Variants in UMODL1 observed in about 807,000 individuals in gnomAD.
UMODL1 encodes uromodulin like 1, also known as uromodulin-like 1.
UMODL1 carries 128 observed loss-of-function variants against 136.3 expected under a neutral mutation model. The observed-to-expected ratio is 0.94, with a 90% CI of 0.81 to 1.09. The LOEUF is 1.09. Among genes scored for constraint, UMODL1 ranks in the 50% least tolerant of loss-of-function variants. The pLI, the probability that UMODL1 is intolerant of heterozygous loss-of-function variation, is 0.00. For missense variants in UMODL1, 1,766 were observed against 1,725.6 expected, an observed-to-expected ratio of 1.02 and a Z score of -0.41; for synonymous variants, 721 against 720.0, an observed-to-expected ratio of 1.00 and a Z score of -0.02.
At chr21:42,100,052 G>A (rs1208367441) in intron 7 of UMODL1, among the ~76,000 whole-genome samples, 1 of 152,168 alleles carries the variant, frequency 6.6e-6, no homozygotes, top group Non-Finnish European at 1.5e-5. Flanking sequence ...CCCGTGTCTT[G>A]CTCCCCACTT....
chr21:42,096,955 G>A (rs2066565634), intron 6 of UMODL1, among the ~76,000 whole-genome samples: 1 of 152,208 alleles, frequency 6.6e-6, no homozygotes, highest in Non-Finnish European at 1.5e-5. Context: ...GAAGCCGGGT[G>A]GTTGTTAGAA....
Position 42,078,812 on chromosome 21 carries a change from C to T in UMODL1, c.319+2565C>T, listed in dbSNP as rs139557475. 8.6e-5 allele frequency among the ~76,000 whole-genome samples: 13 copies of T among 151,934 alleles called. 1 individual carries two copies. The highest frequency in any genetic ancestry group is 2.9e-4 in the African/African-American group (12 of 41,158). ...CATTGGTTCCCTAGAGGGCCACTGG[C>T]AGGACAAGCCTATGCCTTGGCCATG... On this transcript the variant is annotated intron_variant, in intron 2 of 22. Coordinates refer to ENST00000408910, the MANE Select transcript of UMODL1 (RefSeq NM_001004416.3).
At chr21:42,128,220 ACT>A (rs1381873679) in intron 20 of UMODL1, 11 of 302,878 alleles carry the variant, frequency 3.6e-5, no homozygotes, top group East Asian at 1.9e-4. Flanking sequence ...AATATCAGAC[ACT>A]CTGTTATTTA....
chr21:42,075,834 C>T lies in UMODL1; in HGVS notation c.77-171C>T, dbSNP rs117448410. 3.8e-3 allele frequency among the ~76,000 whole-genome samples: 573 copies of T among 152,384 alleles called. 3 individuals carry two copies. Among genetic ancestry groups the T allele is most frequent in the Non-Finnish European group, 5.6e-3 (383 of 68,042 alleles). ...CACTCATGCAACAGCCTTCCTGGTGCACTAGCAGGCAAAGGCCAGTGGAGA... is the reference window on the plus strand; with the variant it reads ...CACTCATGCAACAGCCTTCCTGGTGTACTAGCAGGCAAAGGCCAGTGGAGA... On this transcript the variant is annotated intron_variant, in intron 1 of 22. Transcript: ENST00000408910.
intron 21 of UMODL1, among the ~76,000 whole-genome samples, chr21:42,130,229 T>C (rs1418902800): frequency 1.3e-5 from 2 of 150,680 alleles, no homozygotes; most frequent in African/African-American, 5.0e-5. Flanking sequence ...AACGTGTGTG[T>C]GTGTGTGTGT....
chr21:42,091,571 G>A (rs753959937), intron 6 of UMODL1, among the ~76,000 whole-genome samples: 54 of 152,280 alleles, frequency 3.5e-4, no homozygotes, highest in Admixed American at 1.2e-3. Context: ...AAGGGATTCC[G>A]GCAACATTTT....
At chr21:42,139,999 T>C (rs1303488759) in intron 22 of UMODL1, among the ~76,000 whole-genome samples, 1 of 152,210 alleles carries the variant, frequency 6.6e-6, no homozygotes, top group Non-Finnish European at 1.5e-5. Flanking sequence ...ACGTGTGCTG[T>C]AGTCTGGGCT....
intron 9 of UMODL1, among the ~76,000 whole-genome samples, chr21:42,106,165 G>T (rs1266916341): frequency 6.6e-6 from 1 of 152,170 alleles, no homozygotes; most frequent in Non-Finnish European, 1.5e-5. Context: ...ATGACTACTG[G>T]TGTCTTCGGA....
At chr21:42,079,100 C>T (rs1569141826) in intron 2 of UMODL1, among the ~76,000 whole-genome samples, 3 of 152,220 alleles carry the variant, frequency 2.0e-5, no homozygotes. Context: ...CTCTTCCTAC[C>T]TGTTGGCATT....
chr21:42,120,783 G>A, intron 15 of UMODL1: 1 of 257,948 alleles, frequency 3.9e-6, no homozygotes, highest in Non-Finnish European at 7.3e-6. Flanking sequence ...GTGGATCTGG[G>A]GGCCTGTGCA....
At chr21:42,089,890 G>A (rs1196705842) in intron 5 of UMODL1, among the ~76,000 whole-genome samples, 1 of 152,192 alleles carries the variant, frequency 6.6e-6, no homozygotes, top group African/African-American at 2.4e-5. Flanking sequence ...TGGGAGGCCT[G>A]GGCCAGCCTC....
At chr21:42,108,164 G>C (rs941065439) in intron 9 of UMODL1, 2 of 401,048 alleles carry the variant, frequency 5.0e-6, no homozygotes, top group Non-Finnish European at 1.0e-5. Flanking sequence ...GAATCACCAC[G>C]CCCCAAAATA....
Position 42,127,836 on chromosome 21 carries a change from G to GT in UMODL1, c.3690+6dup. ...CCCGGAGCCACGTGCAAAATCGTAA[G>GT]TGTTTTTTGGTTTTCTAAACGTTTG... On this transcript the variant is annotated splice_donor_region_variant and intron_variant, in intron 20 of 22. Transcript: ENST00000408910. 6.2e-7 allele frequency: 1 copy of GT among 1,610,350 alleles called. No individual in the cohort carries two copies. Among genetic ancestry groups the GT allele is most frequent in the Non-Finnish European group, 8.5e-7 (1 of 1,178,550 alleles).
At position 42,127,050 on chromosome 21, in the gene UMODL1, T is replaced by G; in HGVS notation, c.3338T>G (p.Val1113Gly). 1 of 1,614,216 alleles carries G rather than the reference T, an allele frequency of 6.2e-7. No individual in the cohort carries two copies. Among genetic ancestry groups the G allele is most frequent in the South Asian group, 1.1e-5 (1 of 91,080 alleles). The change falls in exon 19 of 23, where the codon GTT (valine) becomes GGT (glycine). Residue 1113 changes from valine (V) to glycine (G), a missense_variant. Transcript: ENST00000408910. ...GACCTCCACGGCGCTGGGAATTTTG[T>G]TACCGAAATGCAGTTGTTTATCGGA... is the stretch of plus-strand genomic sequence containing the variant. The part of the protein sequence containing the change: ...IEDLHGAGNF[V>G]TEMQLFIGDS...
At position 42,102,229 on chromosome 21, in the gene UMODL1, A is replaced by G. The variant is rs771317347; in HGVS notation, c.1250A>G (p.Asn417Ser). The part of the protein sequence containing the change: ...VNHNLTEKLL[N>S]RSSVEYQDFS... ...CACAACCTGACGGAGAAGTTACTCA[A>G]CCGCAGCAGTGTGGAGTACCAGGAC... Residue 417 changes from asparagine to serine, a missense_variant, in exon 8 of 23, where the codon AAC (asparagine) becomes AGC (serine). Asn to Ser is a conservative substitution (Grantham distance 46). Coordinates refer to ENST00000408910, the MANE Select transcript of UMODL1 (RefSeq NM_001004416.3). The G allele has an allele frequency of 3.7e-6, 6 of 1,613,956 alleles. No individual in the cohort carries two copies. The highest frequency in any genetic ancestry group is 2.2e-5 in the South Asian group (2 of 91,058).
At chr21:42,076,388 G>T in intron 2 of UMODL1, 141 bp downstream of exon 2, 1 of 1,358,194 alleles carries the variant, frequency 7.4e-7, no homozygotes. Flanking sequence ...CAGGCAGCAG[G>T]TCATCGGCAG....
intron 13 of UMODL1, among the ~76,000 whole-genome samples, chr21:42,114,076 G>A (rs375259451): frequency 2.6e-5 from 4 of 152,226 alleles, no homozygotes; most frequent in Admixed American, 1.3e-4. Context: ...CATAGACTGC[G>A]CCTGGAAGGC....
At chr21:42,120,481 C>G (rs2066955190) in intron 15 of UMODL1, 1 of 152,242 alleles carries the variant, frequency 6.6e-6, no homozygotes, top group Non-Finnish European at 1.5e-5. Flanking sequence ...GGTGTCCCCG[C>G]CCCGGGCTGT....
chr21:42,131,258 C>G (rs1417000909), intron 21 of UMODL1, among the ~76,000 whole-genome samples: 2 of 152,222 alleles, frequency 1.3e-5, no homozygotes, highest in African/African-American at 4.8e-5. Flanking sequence ...CTTGATGACC[C>G]TCTCCCTTCT....
Sources: gnomAD v4.1 joint callset for allele counts (sites outside exome capture counted in the v4.1 genomes callset) on GRCh38, gnomAD v4.1.1 for gene constraint, MANE v1.5 for transcripts, NCBI Gene and HGNC (gene_info 2026-07-23, HGNC 2026-07-21) for gene names.